The following JMJD1C variants were observed in gnomAD, a reference collection of about 807,000 sequenced individuals.
JMJD1C encodes the protein jumonji domain containing 1C, also known as jumonji domain-containing protein 1C.
JMJD1C carries 31 observed loss-of-function variants against 245.3 expected under a neutral mutation model. That is an observed-to-expected ratio of 0.13 (90% confidence interval 0.09 to 0.17). The LOEUF is 0.17. Ranked by LOEUF, JMJD1C falls within the 10% of genes least tolerant of loss-of-function variation. The pLI, the probability that JMJD1C is intolerant of heterozygous loss-of-function variation, is 1.00. For missense variants in JMJD1C, 2,691 were observed against 3,000.2 expected (o/e 0.90, Z 2.41); for synonymous variants, 1,057 against 1,017.4 (o/e 1.04, Z -0.74).
At chr10:63,385,416 C>CA (rs750564683) in intron 1 of JMJD1C, among the ~76,000 whole-genome samples, 1 of 53,760 alleles carries the variant, frequency 1.9e-5, no homozygotes, top group Admixed American at 3.7e-4. Flanking sequence ...CTGCCCCCGC[C>CA]TTTTTTTTTT....
upstream of JMJD1C, among the ~76,000 whole-genome samples, chr10:63,467,565 C>T (rs1953347882): frequency 6.6e-6 from 1 of 152,184 alleles, no homozygotes; most frequent in Non-Finnish European, 1.5e-5. Context: ...GCAAAACATA[C>T]CCAAAAATGC....
Position 63,208,643 on chromosome 10 carries a change from T to A in JMJD1C, c.3026A>T (p.Gln1009Leu). Residue 1009 changes from glutamine to leucine, a missense_variant, in exon 10 of 26, where the codon CAG becomes CTG. Physicochemically the swap from Gln to Leu is moderately radical, Grantham distance 113. This residue lies in a region of JMJD1C where 1,562 missense variants were observed against 1,490.7 expected (regional missense o/e 1.05). Coordinates refer to ENST00000399262, the MANE Select transcript of JMJD1C (RefSeq NM_032776.3). ...TTTGTTTAACCTCTCTCCAGTCTCC[T>A]GGGGTGGCCTCTGTAACTGATTTAA... ...PVLNQLQRPPQETGERLNKYK... is the reference protein window; with the variant it reads ...PVLNQLQRPPLETGERLNKYK... The A allele has an allele frequency of 6.2e-7, 1 of 1,614,104 alleles. No homozygotes were observed. Among genetic ancestry groups the A allele is most frequent in the Non-Finnish European group, 8.5e-7 (1 of 1,179,966 alleles).
intron 1 of JMJD1C, among the ~76,000 whole-genome samples, chr10:63,423,033 C>T (rs1950218703): frequency 6.6e-6 from 1 of 150,556 alleles, no homozygotes; most frequent in Non-Finnish European, 1.5e-5. Flanking sequence ...GGCACGATAT[C>T]GGCTCACTGC....
intron 1 of JMJD1C, among the ~76,000 whole-genome samples, chr10:63,457,728 C>A (rs916303534): frequency 1.3e-5 from 2 of 152,184 alleles, no homozygotes; most frequent in Non-Finnish European, 2.9e-5. Context: ...CTTTGAGAGT[C>A]TGTGAATCAC....
rs759273326 is a variant in JMJD1C at position 63,190,916 on chromosome 10, G to C, written c.6269C>G (p.Pro2090Arg). 3 of 1,613,932 alleles carry C rather than the reference G, an allele frequency of 1.9e-6. No individual in the cohort carries two copies. Among genetic ancestry groups the C allele is most frequent in the Non-Finnish European group, 2.5e-6 (3 of 1,179,866 alleles). The change falls in exon 17 of 26, where the codon CCA becomes CGA. Residue 2090 changes from proline (P) to arginine (R), a missense_variant. By Grantham distance (103) the Pro-to-Arg change is moderately radical. Around this residue, in one of 9 missense-constraint regions of JMJD1C, gnomAD observed 275 missense variants for 285.5 expected, o/e 0.96. Coordinates refer to ENST00000399262, the MANE Select transcript of JMJD1C (RefSeq NM_032776.3). ...GSTDAGIAFA[P>R]VYSMGAPSSK... ...CACTGGGGCTCCCATTGAATATACT[G>C]GGGCAAAGGCAATGCCAGCATCTGT...
intron 1 of JMJD1C, among the ~76,000 whole-genome samples, chr10:63,514,872 G>A (rs557675440): frequency 2.9e-4 from 44 of 152,176 alleles, no homozygotes; most frequent in Non-Finnish European, 5.6e-4. Context: ...TGTTTGGTTT[G>A]GTCTCCTCAA....
intron 2 of JMJD1C, among the ~76,000 whole-genome samples, chr10:63,293,778 C>T (rs550251780): frequency 1.7e-5 from 2 of 119,808 alleles, no homozygotes; most frequent in South Asian, 6.2e-4. Flanking sequence ...GATGCTTTCC[C>T]TATTTCTCTA....
intron 1 of JMJD1C, among the ~76,000 whole-genome samples, chr10:63,478,162 G>A (rs893069174): frequency 1.1e-4 from 16 of 151,778 alleles, no homozygotes; most frequent in African/African-American, 3.4e-4. Flanking sequence ...AGGAAGATGA[G>A]GAACAATCAG....
At chr10:63,327,160 G>A (rs948366034) in intron 2 of JMJD1C, among the ~76,000 whole-genome samples, 1 of 152,056 alleles carries the variant, frequency 6.6e-6, no homozygotes, top group Admixed American at 6.6e-5. Context: ...GTACTCCAGC[G>A]TGAGCCACAG....
intron 2 of JMJD1C, among the ~76,000 whole-genome samples, chr10:63,362,434 A>G (rs977114758): frequency 1.8e-4 from 27 of 150,534 alleles, no homozygotes; most frequent in Non-Finnish European, 4.4e-5. Context: ...TGTAAATCAC[A>G]ATAGTTTAAA....
At chr10:63,299,258 T>G (rs1010809629) in intron 2 of JMJD1C, among the ~76,000 whole-genome samples, 4 of 152,118 alleles carry the variant, frequency 2.6e-5, no homozygotes, top group Non-Finnish European at 5.9e-5. Flanking sequence ...CTTGGCTCAC[T>G]GCAACCTTTA....
At chr10:63,176,890 A>G (rs1842908641) in intron 23 of JMJD1C, 1 of 155,646 alleles carries the variant, frequency 6.4e-6, no homozygotes, top group Non-Finnish European at 1.4e-5. Flanking sequence ...AGGTAAGTAT[A>G]AATACCTTTA....
intron 1 of JMJD1C, among the ~76,000 whole-genome samples, chr10:63,420,428 G>A (rs1274230793): frequency 1.3e-5 from 2 of 151,932 alleles, no homozygotes; most frequent in Non-Finnish European, 2.9e-5. Flanking sequence ...TGGGCATGGG[G>A]GCTCACATTC....
intron 22 of JMJD1C, among the ~76,000 whole-genome samples, chr10:63,180,800 G>A (rs182558002): frequency 0.015 from 2,161 of 143,492 alleles, 65 homozygotes; most frequent in African/African-American, 0.054. Context: ...ACGGAGTCTC[G>A]CTCTGTCGCC....
At chr10:63,224,261 A>G (rs1447952977) in intron 3 of JMJD1C, among the ~76,000 whole-genome samples, 2 of 152,178 alleles carry the variant, frequency 1.3e-5, no homozygotes, top group African/African-American at 2.4e-5. Context: ...AGAGTTACTA[A>G]TATTTCCCTC....
At chr10:63,385,456 G>GAGAT (rs1296178804) in intron 1 of JMJD1C, among the ~76,000 whole-genome samples, 5 of 79,604 alleles carry the variant, frequency 6.3e-5, no homozygotes, top group African/African-American at 2.2e-4. Flanking sequence ...TTTTTTTTAA[G>GAGAT]AGATAGGGTC....
chr10:63,207,270 C>T lies in JMJD1C; in HGVS notation c.4399G>A (p.Val1467Ile), dbSNP rs1479980345. The stretch of plus-strand genomic sequence containing the variant: ...CCTGAGAACCCAGAACTGGGTTGAA[C>T]AACACTTCCTGTCTTACTACTGGCT... ...TLASSKTGSV[V>I]QPSSGFSGTT... Residue 1467 changes from valine (V) to isoleucine (I), a missense_variant, in exon 10 of 26, where the codon GTT becomes ATT. By Grantham distance (29) the Val-to-Ile change is conservative. Coordinates refer to ENST00000399262, the MANE Select transcript of JMJD1C (RefSeq NM_032776.3). 1.6e-5 allele frequency: 26 copies of T among 1,613,732 alleles called. No individual in the cohort carries two copies. The highest frequency in any genetic ancestry group is 2.0e-5 in the Non-Finnish European group (24 of 1,180,026).
chr10:63,453,141 G>A (rs895941423), intron 1 of JMJD1C, among the ~76,000 whole-genome samples: 1 of 152,072 alleles, frequency 6.6e-6, no homozygotes, highest in African/African-American at 2.4e-5. Context: ...CGGGTGTGGT[G>A]GCAGGTGCCT....
At chr10:63,342,879 T>TA (rs923667237) in intron 2 of JMJD1C, among the ~76,000 whole-genome samples, 5 of 152,194 alleles carry the variant, frequency 3.3e-5, no homozygotes, top group African/African-American at 1.2e-4. Context: ...AAATATTATT[T>TA]AAAATTACCT....
Sources: gnomAD v4.1 joint callset for allele counts (sites outside exome capture counted in the v4.1 genomes callset) on GRCh38, gnomAD v4.1.1 for gene constraint, gnomAD v4.1.1 regional missense constraint, MANE v1.5 for transcripts, NCBI Gene and HGNC (gene_info 2026-07-23, HGNC 2026-07-21) for gene names.